CSTPP1: variants seen among roughly 807,000 people sequenced by gnomAD.
CSTPP1 encodes centriolar satellite-associated tubulin polyglutamylase complex regulator 1.
chr11:46,973,306 A>G, the CSTPP1 span, among the ~76,000 whole-genome samples: 1 of 152,142 alleles, frequency 6.6e-6, no homozygotes, highest in Non-Finnish European at 1.5e-5. Context: ...CTTGCCAGAT[A>G]TATTAGTTTG....
the CSTPP1 span, among the ~76,000 whole-genome samples, chr11:47,014,142 A>G: frequency 6.6e-6 from 1 of 152,028 alleles, no homozygotes; most frequent in East Asian, 1.9e-4. Context: ...GCAATTAGCC[A>G]TGAGTATGCC....
At chr11:46,980,420 T>C in the CSTPP1 span, among the ~76,000 whole-genome samples, 14 of 152,228 alleles carry the variant, frequency 9.2e-5, no homozygotes, top group Admixed American at 8.5e-4. Flanking sequence ...TTTTGTCTGT[T>C]TTATAATTAA....
At chr11:47,023,288 C>A in the CSTPP1 span, 4 of 152,786 alleles carry the variant, frequency 2.6e-5, no homozygotes, top group East Asian at 3.8e-4. Context: ...CACAAAATAT[C>A]TTAAATGTTA....
chr11:47,036,887 G>C, the CSTPP1 span, among the ~76,000 whole-genome samples: 1 of 125,022 alleles, frequency 8.0e-6, no homozygotes, highest in African/African-American at 2.5e-5. Context: ...TGCCATGTTG[G>C]CCAGGCTGGT....
the CSTPP1 span, among the ~76,000 whole-genome samples, chr11:46,970,778 A>G: frequency 6.6e-6 from 1 of 152,186 alleles, no homozygotes; most frequent in African/African-American, 2.4e-5. Context: ...AATTTATGTT[A>G]CAGTCCTGTC....
the CSTPP1 span, among the ~76,000 whole-genome samples, chr11:46,947,868 T>C: frequency 1.2e-4 from 18 of 152,296 alleles, no homozygotes; most frequent in East Asian, 3.5e-3. Flanking sequence ...GACAGTCCCA[T>C]TGGCCCAAAG....
the CSTPP1 span, chr11:47,023,257 G>A: frequency 6.6e-6 from 1 of 152,170 alleles, no homozygotes; most frequent in Non-Finnish European, 1.5e-5. Context: ...TAAAAAATAT[G>A]ATAAAACATA....
chr11:47,152,539 G>C, the CSTPP1 span, among the ~76,000 whole-genome samples: 1 of 152,220 alleles, frequency 6.6e-6, no homozygotes, highest in Non-Finnish European at 1.5e-5. Flanking sequence ...GGCAGGGGTA[G>C]CCCTTTGGGA....
chr11:47,041,328 C>T, the CSTPP1 span: 44 of 249,702 alleles, frequency 1.8e-4, 7 homozygotes, highest in East Asian at 3.4e-3. Context: ...GGGATATATT[C>T]GCAGATGATA....
the CSTPP1 span, among the ~76,000 whole-genome samples, chr11:47,159,307 C>CAAGA: frequency 1.3e-5 from 2 of 151,974 alleles, no homozygotes; most frequent in South Asian, 4.2e-4. Context: ...GTCAGGAGTT[C>CAAGA]AAGACCAGCC....
the CSTPP1 span, among the ~76,000 whole-genome samples, chr11:47,076,109 A>C: frequency 1.3e-5 from 2 of 151,960 alleles, no homozygotes; most frequent in Non-Finnish European, 2.9e-5. Context: ...AGAAGACTGG[A>C]GATATTAAAC....
the CSTPP1 span, among the ~76,000 whole-genome samples, chr11:47,008,881 A>C: frequency 6.6e-6 from 1 of 152,070 alleles, no homozygotes; most frequent in Non-Finnish European, 1.5e-5. Flanking sequence ...ATACAAAAAA[A>C]TTAGCTGGGC....
At chr11:47,083,110 C>G in the CSTPP1 span, among the ~76,000 whole-genome samples, 8 of 151,876 alleles carry the variant, frequency 5.3e-5, no homozygotes, top group African/African-American at 1.9e-4. Context: ...GTTCAGCTCC[C>G]ACTTATAAAT....
At chr11:47,043,046 GC>G in the CSTPP1 span, among the ~76,000 whole-genome samples, 1 of 152,144 alleles carries the variant, frequency 6.6e-6, no homozygotes, top group South Asian at 2.1e-4. Context: ...AAACCACAAT[GC>G]AGTAAGTGGG....
chr11:46,980,466 A>G, the CSTPP1 span, among the ~76,000 whole-genome samples: 5 of 152,198 alleles, frequency 3.3e-5, no homozygotes, highest in African/African-American at 1.2e-4. Flanking sequence ...TTAATTTGCA[A>G]ATTTGTTCTC....
chr11:47,016,390 C>CAAAAAAAAAAAAAAAAA, the CSTPP1 span, among the ~76,000 whole-genome samples: 6 of 125,834 alleles, frequency 4.8e-5, no homozygotes, highest in African/African-American at 8.7e-5. Context: ...ATGGAATCTA[C>CAAAAAAAAAAAAAAAAA]AAAAAACAAA....
chr11:47,074,881 A>T, the CSTPP1 span, among the ~76,000 whole-genome samples: 3 of 152,240 alleles, frequency 2.0e-5, no homozygotes, highest in Non-Finnish European at 4.4e-5. Context: ...TTTATTCAAC[A>T]GTATTTTTTT....
chr11:47,144,884 G>A, the CSTPP1 span, among the ~76,000 whole-genome samples: 2 of 152,026 alleles, frequency 1.3e-5, no homozygotes, highest in African/African-American at 2.4e-5. Flanking sequence ...GGTTTAGGGC[G>A]GGGCTCAATA....
chr11:47,076,827 C>G, the CSTPP1 span, among the ~76,000 whole-genome samples: 1 of 149,918 alleles, frequency 6.7e-6, no homozygotes, highest in Non-Finnish European at 1.5e-5. Flanking sequence ...GAGCAAGACT[C>G]TGTCTCCAAA....
Sources: gnomAD v4.1 joint callset for allele counts (sites outside exome capture counted in the v4.1 genomes callset) on GRCh38, gnomAD v4.1.1 for gene constraint, MANE v1.5 for transcripts, NCBI Gene and HGNC (gene_info 2026-07-23, HGNC 2026-07-21) for gene names.